The following ARHGAP12 variants were observed in gnomAD, a reference collection of about 807,000 sequenced individuals.
ARHGAP12 encodes the protein Rho GTPase activating protein 12, also known as rho GTPase-activating protein 12.
In ARHGAP12, 64 loss-of-function variants were observed where a neutral mutation model predicts 108.6. The observed-to-expected ratio is 0.59, with a 90% confidence interval of 0.48 to 0.73. The LOEUF (loss-of-function observed/expected upper bound fraction) is 0.73. ARHGAP12 is among the 30% of genes least tolerant of loss of function. The pLI, the probability that ARHGAP12 is intolerant of heterozygous loss-of-function variation, is 0.00. For synonymous variants in ARHGAP12, 312 were observed against 337.2 expected (o/e 0.93, Z 0.82); for missense variants, 940 against 1,005.9 (o/e 0.93, Z 0.89).
At chr10:31,882,795 A>T (rs373492169) in intron 3 of ARHGAP12, among the ~76,000 whole-genome samples, 15 of 149,170 alleles carry the variant, frequency 1.0e-4, no homozygotes, top group African/African-American at 3.2e-4. Flanking sequence ...CCTGGGAAAC[A>T]GAGCAAGACT....
chr10:31,855,491 C>G (rs1037565155), intron 4 of ARHGAP12, among the ~76,000 whole-genome samples: 51 of 152,268 alleles, frequency 3.3e-4, no homozygotes, highest in Non-Finnish European at 7.4e-4. Flanking sequence ...GTTAAAGACA[C>G]TAAGAGCCTA....
At chr10:31,813,277 T>C (rs1835085293) in intron 14 of ARHGAP12, among the ~76,000 whole-genome samples, 1 of 152,126 alleles carries the variant, frequency 6.6e-6, no homozygotes, top group Non-Finnish European at 1.5e-5. Flanking sequence ...TATATAGAGA[T>C]ATAAATATAG....
intron 6 of ARHGAP12, among the ~76,000 whole-genome samples, chr10:31,844,949 T>C (rs1488088287): frequency 6.6e-6 from 1 of 152,198 alleles, no homozygotes; most frequent in Non-Finnish European, 1.5e-5. Flanking sequence ...TAAATGGAAA[T>C]GCATTGGACT....
At chr10:31,860,499 G>T (rs776278312) in intron 4 of ARHGAP12, among the ~76,000 whole-genome samples, 3 of 152,196 alleles carry the variant, frequency 2.0e-5, no homozygotes, top group African/African-American at 7.2e-5. Context: ...GCACCATCCT[G>T]CAAGAGGTAT....
intron 11 of ARHGAP12, among the ~76,000 whole-genome samples, chr10:31,823,401 A>G (rs1271121581): frequency 6.6e-6 from 1 of 152,008 alleles, no homozygotes; most frequent in Non-Finnish European, 1.5e-5. Context: ...CCAATGTAAA[A>G]TATTTCTTAT....
At chr10:31,823,999 A>C (rs1454303227) in intron 11 of ARHGAP12, among the ~76,000 whole-genome samples, 1 of 152,206 alleles carries the variant, frequency 6.6e-6, no homozygotes, top group Non-Finnish European at 1.5e-5. Flanking sequence ...TCCCAATTCC[A>C]GAGTTAAAGA....
chr10:31,920,747 T>G (rs995638097), intron 1 of ARHGAP12, among the ~76,000 whole-genome samples: 10 of 152,146 alleles, frequency 6.6e-5, no homozygotes, highest in African/African-American at 2.4e-4. Flanking sequence ...TACATAGTGT[T>G]AGTGAGAGTG....
At chr10:31,852,367 A>T in intron 6 of ARHGAP12, 150 bp downstream of exon 6, 1 of 661,272 alleles carries the variant, frequency 1.5e-6, no homozygotes, top group Non-Finnish European at 2.7e-6. Context: ...GAAAACTTAC[A>T]CTACTCACAG....
At chr10:31,848,756 T>G (rs941405970) in intron 6 of ARHGAP12, among the ~76,000 whole-genome samples, 6 of 152,226 alleles carry the variant, frequency 3.9e-5, no homozygotes, top group African/African-American at 1.4e-4. Context: ...AGCATAATTT[T>G]AAGCCTTTAT....
rs200020407 is a variant in ARHGAP12 at position 31,908,294 on chromosome 10, C to T, written c.562G>A (p.Val188Ile). 4.8e-5 allele frequency: 77 copies of T among 1,614,016 alleles called. No homozygotes were observed. The highest frequency in any genetic ancestry group is 6.3e-5 in the Non-Finnish European group (74 of 1,180,030). ...TCCTGGGAGAAGCTAGTTTTCTCTA[C>T]ATCCAAGAACTCTGGACCGGGAAAA... ...GHFPGPEFLD[V>I]EKTSFSQEQS... The change falls in exon 3 of 20, where the codon GTA becomes ATA. Residue 188 changes from valine to isoleucine, a missense_variant. Transcript: ENST00000344936.
intron 3 of ARHGAP12, among the ~76,000 whole-genome samples, chr10:31,865,760 C>G (rs980718953): frequency 6.6e-6 from 1 of 151,896 alleles, no homozygotes; most frequent in African/African-American, 2.4e-5. Context: ...CGCCTGTAGT[C>G]CCAGCTACTC....
chr10:31,806,171 A>G lies in ARHGAP12; in HGVS notation c.*1487T>C, dbSNP rs2132126069. 6.6e-6 allele frequency: 1 copy of G among 152,322 alleles called. No homozygotes were observed. The highest frequency in any genetic ancestry group is 2.1e-4 in the South Asian group (1 of 4,828). The allele number at this position is 152,322 out of a possible 1,614,324, so 9.4% of individuals were successfully genotyped here. Reference sequence around the variant, plus strand: ...TGGCATGGAAGAGAGGAGAAAAGGTATGAAATGAGGAAAGTGTTATTTGCC... The same window carrying G: ...TGGCATGGAAGAGAGGAGAAAAGGTGTGAAATGAGGAAAGTGTTATTTGCC... On this transcript the variant is annotated 3_prime_UTR_variant, in exon 20 of 20. Coordinates refer to ENST00000344936, the MANE Select transcript of ARHGAP12 (RefSeq NM_018287.7).
rs115511986 is a variant in ARHGAP12, at chr10:31,860,941, G to A, written c.948+454C>T. On this transcript the variant is annotated intron_variant, in intron 4 of 19. Coordinates refer to ENST00000344936, the MANE Select transcript of ARHGAP12 (RefSeq NM_018287.7). ...CCAGTGACATGTGCCTGTAGTCCCAGCTACTAGTGAGGCTAAGGTGGGAGG... is the reference window on the plus strand; with the variant it reads ...CCAGTGACATGTGCCTGTAGTCCCAACTACTAGTGAGGCTAAGGTGGGAGG... Among the ~76,000 whole-genome samples, 1,397 of 152,272 alleles carry A rather than the reference G, an allele frequency of 9.2e-3. 27 individuals carry two copies. Among genetic ancestry groups the A allele is most frequent in the African/African-American group, 0.032 (1,339 of 41,544 alleles).
At chr10:31,814,043 G>A (rs1051054615) in intron 14 of ARHGAP12, among the ~76,000 whole-genome samples, 1 of 152,138 alleles carries the variant, frequency 6.6e-6, no homozygotes, top group African/African-American at 2.4e-5. Flanking sequence ...TAAAATTAAT[G>A]TGATGCCACA....
At chr10:31,873,525 G>C (rs1430622669) in intron 3 of ARHGAP12, among the ~76,000 whole-genome samples, 1 of 152,144 alleles carries the variant, frequency 6.6e-6, no homozygotes, top group African/African-American at 2.4e-5. Flanking sequence ...GCTACTATCG[G>C]CCGGCACCAA....
At chr10:31,842,085 G>C (rs1564383659) in intron 7 of ARHGAP12, among the ~76,000 whole-genome samples, 2 of 152,058 alleles carry the variant, frequency 1.3e-5, no homozygotes, top group Non-Finnish European at 2.9e-5. Context: ...AATGAATTGA[G>C]AGATTAAAAA....
intron 7 of ARHGAP12, among the ~76,000 whole-genome samples, chr10:31,843,085 G>A (rs1836329194): frequency 6.6e-6 from 1 of 152,054 alleles, no homozygotes; most frequent in South Asian, 2.1e-4. Flanking sequence ...ATAACAGAAT[G>A]TGACTTTAAA....
chr10:31,826,204 TATAACTATAAGGACTCTGGAA>T, intron 11 of ARHGAP12, 79 bp downstream of exon 11: 1 of 826,964 alleles, frequency 1.2e-6, no homozygotes, highest in Non-Finnish European at 1.9e-6. Context: ...GCACACTAGC[TATAACTATAAGGACTCTGGAA>T]ATTACCTCCT....
At position 31,839,713 on chromosome 10, in the gene ARHGAP12, T is replaced by C; in HGVS notation, c.1297-2A>G. 2 of 1,600,518 alleles carry C rather than the reference T, an allele frequency of 1.2e-6. No homozygotes were observed. The highest frequency in any genetic ancestry group is 1.7e-6 in the Non-Finnish European group (2 of 1,170,578). On this transcript the variant is annotated splice_acceptor_variant, in intron 7 of 19. Coordinates refer to ENST00000344936, the MANE Select transcript of ARHGAP12 (RefSeq NM_018287.7). LOFTEE classifies it high-confidence loss of function. Reference sequence around the variant, plus strand: ...GGGTTTTGAGGCAGTTGGAGATTCCTACAAGAAATAAGTAATGAAAAAAGT... The same window carrying C: ...GGGTTTTGAGGCAGTTGGAGATTCCCACAAGAAATAAGTAATGAAAAAAGT...
Sources: gnomAD v4.1 joint callset for allele counts (sites outside exome capture counted in the v4.1 genomes callset) on GRCh38, gnomAD v4.1.1 for gene constraint, MANE v1.5 for transcripts, NCBI Gene and HGNC (gene_info 2026-07-23, HGNC 2026-07-21) for gene names.